PAX7: variants seen among roughly 807,000 people sequenced by gnomAD.
PAX7 encodes the protein paired box 7, also known as paired box protein Pax-7.
PAX7 carries 18 observed loss-of-function variants against 50.7 expected under a neutral mutation model. The ratio of observed to expected loss-of-function variants is 0.36; its 90% confidence interval spans 0.25 to 0.53. PAX7 has a LOEUF of 0.53. Ranked by LOEUF, PAX7 falls within the 20% of genes least tolerant of loss-of-function variation. The pLI, the probability that PAX7 is intolerant of heterozygous loss-of-function variation, is 0.93. For synonymous variants in PAX7, 310 were observed against 290.4 expected (o/e 1.07, Z -0.69); for missense variants, 644 against 702.9 (o/e 0.92, Z 0.95).
intron 4 of PAX7, among the ~76,000 whole-genome samples, chr1:18,662,583 T>C (rs1570138897): frequency 6.7e-6 from 1 of 148,410 alleles, no homozygotes; most frequent in Admixed American, 6.8e-5. Context: ...GTTTTGTTTT[T>C]GTTTTGAGAC....
At chr1:18,646,547 G>C (rs956337310) in intron 4 of PAX7, among the ~76,000 whole-genome samples, 9 of 152,182 alleles carry the variant, frequency 5.9e-5, no homozygotes, top group Non-Finnish European at 1.2e-4. Flanking sequence ...GGTGCAGGCG[G>C]GCAGAGGGTG....
At chr1:18,721,860 G>A (rs2089499212) in intron 7 of PAX7, among the ~76,000 whole-genome samples, 2 of 152,332 alleles carry the variant, frequency 1.3e-5, no homozygotes, top group South Asian at 4.1e-4. Flanking sequence ...TCATAACTAG[G>A]GACATTGCAT....
Position 18,744,885 on chromosome 1 carries a change from G to A in PAX7, c.1474G>A (p.Ala492Thr). 6.4e-7 allele frequency: 1 copy of A among 1,556,386 alleles called. No homozygotes were observed. The highest frequency in any genetic ancestry group is 1.2e-5 in the South Asian group (1 of 84,262). ...TCGCATGAAGCTCGGGGAGCACTCT[G>A]CTGTGCTGGGACTCCTGCCTGTGGA... is the stretch of plus-strand genomic sequence containing the variant. ...QRRMKLGEHS[A>T]VLGLLPVETG... The change falls in exon 9 of 9, where the codon GCT (alanine) becomes ACT (threonine). Residue 492 changes from alanine (A) to threonine (T), a missense_variant. Physicochemically the swap from Ala to Thr is moderately conservative, Grantham distance 58. Transcript: ENST00000420770.
In PAX7 at chr1:18,636,555, G is replaced by A. The variant is rs973416363; in HGVS notation, c.586+184G>A. On this transcript the variant is annotated intron_variant, in intron 4 of 8. Coordinates refer to ENST00000420770, the MANE Select transcript of PAX7 (RefSeq NM_001135254.2). The surrounding 1 kb of genome is among the most constrained non-coding windows in gnomAD (Gnocchi z 5.1). ...ACAGCGCCCCCTCGGTGCGCACCCC[G>A]GATGCCGGCTAGATGCGAAGCCCGC... Among the ~76,000 whole-genome samples, 3 of 152,218 alleles carry A rather than the reference G, an allele frequency of 2.0e-5. No homozygotes were observed. Among genetic ancestry groups the A allele is most frequent in the Non-Finnish European group, 4.4e-5 (3 of 68,044 alleles).
chr1:18,661,923 G>A (rs2088606232), intron 4 of PAX7, among the ~76,000 whole-genome samples: 1 of 152,214 alleles, frequency 6.6e-6, no homozygotes, highest in African/African-American at 2.4e-5. Context: ...AGCTTTATTG[G>A]TTTTACACTC....
intron 4 of PAX7, among the ~76,000 whole-genome samples, chr1:18,671,717 T>G (rs1413715016): frequency 6.6e-6 from 1 of 151,906 alleles, no homozygotes; most frequent in Non-Finnish European, 1.5e-5. Flanking sequence ...GGCCTGGTGG[T>G]TCATACCTGT....
chr1:18,713,234 G>A (rs1228729407), intron 7 of PAX7, among the ~76,000 whole-genome samples: 1 of 152,196 alleles, frequency 6.6e-6, no homozygotes, highest in Non-Finnish European at 1.5e-5. Context: ...AACAAGTGGG[G>A]AAGGGGAAAG....
chr1:18,712,221 G>A (rs1029873943), intron 7 of PAX7, among the ~76,000 whole-genome samples: 20 of 152,268 alleles, frequency 1.3e-4, no homozygotes, highest in South Asian at 2.1e-4. Flanking sequence ...TCCAGAACCT[G>A]GGGAGACAGA....
chr1:18,700,744 C>T lies in PAX7; in HGVS notation c.878C>T (p.Pro293Leu), dbSNP rs1207317607. ...AACCACCTTCTGCCAGGAGGCTTCC[C>T]ACCCACCGGCATGCCCACGCTGCCC... ...AFNHLLPGGF[P>L]PTGMPTLPPY... Residue 293 changes from proline to leucine, a missense_variant, in exon 6 of 9, where the codon CCA becomes CTA. By Grantham distance (98) the Pro-to-Leu change is moderately conservative. Coordinates refer to ENST00000420770, the MANE Select transcript of PAX7 (RefSeq NM_001135254.2). This position sits in a 1 kb window ranked among gnomAD's most constrained non-coding sequence, Gnocchi z 4.8. The T allele has an allele frequency of 4.4e-6, 7 of 1,599,476 alleles. No homozygotes were observed. Among genetic ancestry groups the T allele is most frequent in the Admixed American group, 3.4e-5 (2 of 58,074 alleles).
chr1:18,631,843 G>T (rs2088054374), intron 1 of PAX7, among the ~76,000 whole-genome samples, 155 bp downstream of exon 1: 1 of 150,624 alleles, frequency 6.6e-6, no homozygotes, highest in African/African-American at 2.4e-5. Flanking sequence ...AACCCAGGGA[G>T]TTTCTGGGAC....
At chr1:18,653,392 C>A (rs1174636855) in intron 4 of PAX7, among the ~76,000 whole-genome samples, 1 of 151,956 alleles carries the variant, frequency 6.6e-6, no homozygotes, top group African/African-American at 2.4e-5. Flanking sequence ...TGTGTACGCA[C>A]GGTTACAGTG....
rs376145447 is a variant in PAX7 at position 18,655,415 on chromosome 1, G to A, written c.586+19044G>A. On this transcript the variant is annotated intron_variant, in intron 4 of 8. Transcript: ENST00000420770. ...CTCAGTGGGGGAGGAAAGTCCAGCC[G>A]AAGGGGGCCAACCGGGATGAGCTGG... 5.2e-4 allele frequency among the ~76,000 whole-genome samples: 79 copies of A among 152,300 alleles called. 1 individual carries two copies. The highest frequency in any genetic ancestry group is 1.9e-3 in the East Asian group (10 of 5,178).
At chr1:18,744,700 G>GGATGGATA (rs1931348996) in intron 8 of PAX7, 114 bp from the exon 9 acceptor site, 1 of 415,966 alleles carries the variant, frequency 2.4e-6, no homozygotes, top group African/African-American at 2.6e-5. Context: ...ATGGATGGAT[G>GGATGGATA]GATGGATGGA....
At chr1:18,649,712 A>T in intron 4 of PAX7, among the ~76,000 whole-genome samples, 1 of 152,162 alleles carries the variant, frequency 6.6e-6, no homozygotes, top group Middle Eastern at 3.2e-3. Context: ...TCTGTCCACC[A>T]TCCGGGGAAC....
In PAX7 at chr1:18,631,697, G is replaced by T. The variant is rs538173672; in HGVS notation, c.85+9G>T. 5 of 1,606,326 alleles carry T rather than the reference G, an allele frequency of 3.1e-6. No homozygotes were observed. Among genetic ancestry groups the T allele is most frequent in the Non-Finnish European group, 4.3e-6 (5 of 1,176,186 alleles). On this transcript the variant is annotated intron_variant, in intron 1 of 8. Transcript: ENST00000420770. ...GGGATTCCCTTTGGAAGGTAAGAAC[G>T]CCCAGGCTGGCCTCGCCGCGACTCC... is the stretch of plus-strand genomic sequence containing the variant.
At position 18,699,564 on chromosome 1, in the gene PAX7, A is replaced by ATTTTT. The variant is rs71027390; in HGVS notation, c.787-1078_787-1074dup. 4.0e-3 allele frequency among the ~76,000 whole-genome samples: 572 copies of ATTTTT among 143,788 alleles called. 6 individuals are homozygous for ATTTTT. The highest frequency in any genetic ancestry group is 0.03 in the South Asian group (135 of 4,456). 94.3% of individuals were successfully genotyped at this position (143,788 alleles called of 152,430 possible). On this transcript the variant is annotated intron_variant, in intron 5 of 8. Transcript: ENST00000420770. Reference sequence around the variant, plus strand: ...AAGTGGGCTCTAGAAAGCCAGACTGATTTTTTTTTTTTTTTGAGGCAGAGT... The same window carrying ATTTTT: ...AAGTGGGCTCTAGAAAGCCAGACTGATTTTTTTTTTTTTTTTTTTTGAGGCAGAGT...
chr1:18,665,444 C>T (rs1252527201), intron 4 of PAX7, among the ~76,000 whole-genome samples: 2 of 151,918 alleles, frequency 1.3e-5, no homozygotes, highest in Non-Finnish European at 2.9e-5. Flanking sequence ...GGCACGATCT[C>T]GGCTCACCGC....
At chr1:18,662,202 C>T (rs2088609655) in intron 4 of PAX7, among the ~76,000 whole-genome samples, 1 of 152,094 alleles carries the variant, frequency 6.6e-6, no homozygotes. Context: ...TTTCCCAAAG[C>T]CTGGGGTGAG....
At chr1:18,703,036 A>T in intron 6 of PAX7, 58 bp from the exon 7 acceptor site, 1 of 1,504,032 alleles carries the variant, frequency 6.6e-7, no homozygotes, top group South Asian at 1.1e-5. Flanking sequence ...CTGCTCTCAG[A>T]GGCCCAGCGT....
Sources: allele counts gnomAD v4.1 joint callset (sites outside exome capture counted in the v4.1 genomes callset), GRCh38; gene constraint gnomAD v4.1.1; non-coding constraint Gnocchi (gnomAD v3.1); transcripts MANE v1.5; gene names NCBI Gene and HGNC (gene_info 2026-07-23, HGNC 2026-07-21).